The following DIABLO variants were observed in gnomAD, a reference collection of about 807,000 sequenced individuals.
DIABLO encodes the protein diablo IAP-binding mitochondrial protein.
Under a neutral mutation model 31.7 loss-of-function variants are expected in DIABLO, and 32 were observed. The ratio of observed to expected loss-of-function variants is 1.01; its 90% CI spans 0.76 to 1.35. DIABLO has a LOEUF of 1.35. DIABLO is among the 40% of genes most tolerant of loss of function. The probability of loss-of-function intolerance (pLI) is 0.00; values close to 1 mark genes in which losing one functional copy is unlikely to be tolerated. For missense variants in DIABLO, 316 were observed against 286.4 expected, an observed-to-expected ratio of 1.10 and a Z score of -0.75; for synonymous variants, 132 against 103.2, an observed-to-expected ratio of 1.28 and a Z score of -1.69.
intron 1 of DIABLO, 113 bp downstream of exon 1, chr12:122,225,852 G>A (rs1308862563): frequency 1.3e-6 from 2 of 1,531,944 alleles, no homozygotes; most frequent in South Asian, 1.2e-5. Context: ...GACCCAGCTG[G>A]GCGGACGAGA....
upstream of DIABLO, chr12:122,227,397 G>C (rs938957755): frequency 2.2e-6 from 1 of 454,042 alleles, no homozygotes; most frequent in Non-Finnish European, 4.4e-6. Flanking sequence ...AAGCTCCGCG[G>C]TTCTGTCTGC....
intron 1 of DIABLO, chr12:122,225,621 C>G (rs970808381): frequency 7.9e-7 from 1 of 1,262,096 alleles, no homozygotes; most frequent in African/African-American, 1.5e-5. Flanking sequence ...TCTCCCTTCC[C>G]GGACTCCCCC....
chr12:122,208,791 G>C (rs1293452818), intron 5 of DIABLO: 3 of 661,850 alleles, frequency 4.5e-6, no homozygotes, highest in Admixed American at 4.1e-5. Flanking sequence ...TTTTTCTTCA[G>C]CTGTCAGCGG....
chr12:122,209,975 G>A lies in DIABLO; in HGVS notation c.524-1398C>T. ...ATGGCTACTACACTGAAGATGTTTTGGGCATATGTTAAGTGGTTTTTCTCC... is the reference window on the plus strand; with the variant it reads ...ATGGCTACTACACTGAAGATGTTTTAGGCATATGTTAAGTGGTTTTTCTCC... On this transcript the variant is annotated intron_variant, in intron 5 of 5. Coordinates refer to ENST00000464942, the MANE Select transcript of DIABLO (RefSeq NM_001371333.1). 3 of 584,526 alleles carry A rather than the reference G, an allele frequency of 5.1e-6. No homozygotes were observed. The East Asian group carries it at 8.3e-5, about 16-fold the overall frequency. 36.2% of individuals were successfully genotyped at this position (584,526 alleles called of 1,614,324 possible).
At chr12:122,226,483 T>C, upstream of DIABLO, 1 of 698,910 alleles carries the variant, frequency 1.4e-6, no homozygotes, top group Non-Finnish European at 2.6e-6. Context: ...AGCGCCCCGA[T>C]GAGCACCGTG....
At chr12:122,216,913 A>AT (rs1566025054) in intron 3 of DIABLO, 44 bp from the exon 4 acceptor site, 1 of 1,504,372 alleles carries the variant, frequency 6.6e-7, no homozygotes, top group East Asian at 2.3e-5. Flanking sequence ...TAAGTGAGAC[A>AT]TATCAGAAGG....
chr12:122,226,073 G>T, upstream of DIABLO: 1 of 1,565,720 alleles, frequency 6.4e-7, no homozygotes, highest in South Asian at 1.2e-5. Flanking sequence ...CGTGAGCGCG[G>T]AGCGGGGCAC....
At chr12:122,216,437 C>T (rs770313143) in intron 5 of DIABLO, 51 bp downstream of exon 5, 3 of 1,473,956 alleles carry the variant, frequency 2.0e-6, no homozygotes, top group South Asian at 1.2e-5. Flanking sequence ...CAAATGGTAC[C>T]TTCCTAGTTA....
chr12:122,226,186 G>A (rs780401548), upstream of DIABLO: 15 of 1,047,958 alleles, frequency 1.4e-5, no homozygotes, highest in South Asian at 2.0e-4. Context: ...TAGGGCAAAG[G>A]CTGTAACGGC....
chr12:122,224,403 G>C (rs1954400516), intron 2 of DIABLO, 109 bp downstream of exon 2: 1 of 1,538,326 alleles, frequency 6.5e-7, no homozygotes, highest in African/African-American at 1.4e-5. Context: ...TGGGGGAAGG[G>C]ATGGGAGCAC....
rs923782629 is a variant in DIABLO, at chr12:122,209,828, T to A, written c.524-1251A>T. 80 of 703,240 alleles carry A rather than the reference T, an allele frequency of 1.1e-4. 1 individual carries two copies. The Admixed American group carries it at 1.5e-3, about 14-fold the overall frequency. 43.6% of individuals were successfully genotyped at this position (703,240 alleles called of 1,614,324 possible). A position where few individuals can be genotyped will look rare whatever the true frequency, so the allele number is the denominator to read the frequency against. ...GACAGGTAGTGGAGAATGGCAGGCA[T>A]CCTCCTCTTCTAACTTCGATGAAAA... is the stretch of plus-strand genomic sequence containing the variant. On this transcript the variant is annotated intron_variant, in intron 5 of 5. Transcript: ENST00000464942.
At position 122,207,682 on chromosome 12, in the gene DIABLO, A is replaced by G. The variant is rs1042895015; in HGVS notation, c.*699T>C. 6.5e-6 allele frequency: 4 copies of G among 612,752 alleles called. No individual in the cohort carries two copies. Among genetic ancestry groups the G allele is most frequent in the African/African-American group, 5.4e-5 (3 of 55,328 alleles). 38.0% of individuals were successfully genotyped at this position (612,752 alleles called of 1,614,324 possible). ...CTGCATAGGACCCCAGGAGAGACGC[A>G]TTTTCTCTTTCAGATGCAAACAAAA... On this transcript the variant is annotated 3_prime_UTR_variant, in exon 6 of 6. Coordinates refer to ENST00000464942, the MANE Select transcript of DIABLO (RefSeq NM_001371333.1).
At chr12:122,214,571 G>A (rs908482315) in intron 5 of DIABLO, among the ~76,000 whole-genome samples, 7 of 152,004 alleles carry the variant, frequency 4.6e-5, no homozygotes, top group Non-Finnish European at 7.4e-5. Flanking sequence ...GACTACAGGC[G>A]AGCGCCAATA....
chr12:122,211,764 A>G (rs918932134), intron 5 of DIABLO, among the ~76,000 whole-genome samples: 19 of 152,174 alleles, frequency 1.2e-4, no homozygotes, highest in African/African-American at 4.6e-4. Context: ...TGCTCAGAAA[A>G]TTGAGTATTA....
Position 122,208,002 on chromosome 12 carries a change from C to T in DIABLO, c.*379G>A. On this transcript the variant is annotated 3_prime_UTR_variant, in exon 6 of 6. Transcript: ENST00000464942. ...CCAACAGAGGGAACAAGTACTAAAT[C>T]ATTTTTGACGACGTAAATAAGACTG... The T allele has an allele frequency of 2.1e-6, 1 of 482,562 alleles. No homozygotes were observed. The highest frequency in any genetic ancestry group is 1.5e-5 in the South Asian group (1 of 64,704). The allele number at this position is 482,562 out of a possible 1,614,324, so 29.9% of individuals were successfully genotyped here. A position where few individuals can be genotyped will look rare whatever the true frequency, so the allele number is the denominator to read the frequency against.
chr12:122,208,969 TTAAAG>T (rs1168274964), intron 5 of DIABLO: 3 of 357,690 alleles, frequency 8.4e-6, no homozygotes, highest in Non-Finnish European at 1.6e-5. Flanking sequence ...TGACTAATCT[TTAAAG>T]GTAAAGGAAT....
chr12:122,207,700 A>C lies in DIABLO; in HGVS notation c.*681T>G. 1 of 573,200 alleles carries C rather than the reference A, an allele frequency of 1.7e-6. No homozygotes were observed. Among genetic ancestry groups the C allele is most frequent in the Non-Finnish European group, 3.3e-6 (1 of 304,206 alleles). 35.5% of individuals were successfully genotyped at this position (573,200 alleles called of 1,614,324 possible). A position where few individuals can be genotyped will look rare whatever the true frequency, so the allele number is the denominator to read the frequency against. On this transcript the variant is annotated 3_prime_UTR_variant, in exon 6 of 6. Transcript: ENST00000464942. ...GAGACGCATTTTCTCTTTCAGATGC[A>C]AACAAAATCTTACACTCTTCTCCTT... is the stretch of plus-strand genomic sequence containing the variant.
intron 5 of DIABLO, among the ~76,000 whole-genome samples, chr12:122,212,961 A>G (rs1420772667): frequency 1.3e-5 from 2 of 151,424 alleles, no homozygotes; most frequent in Admixed American, 6.6e-5. Flanking sequence ...TGCTTTGTCA[A>G]CCAGGCTGGG....
At chr12:122,223,454 T>C (rs1047793174) in intron 2 of DIABLO, among the ~76,000 whole-genome samples, 5 of 148,676 alleles carry the variant, frequency 3.4e-5, no homozygotes, top group South Asian at 4.3e-4. Flanking sequence ...AAAAAAAATA[T>C]CTTCTGCGGC....
Sources: gnomAD v4.1 joint callset for allele counts (sites outside exome capture counted in the v4.1 genomes callset) on GRCh38, gnomAD v4.1.1 for gene constraint, MANE v1.5 for transcripts, NCBI Gene and HGNC (gene_info 2026-07-23, HGNC 2026-07-21) for gene names.